DAPK1: variants seen among roughly 807,000 people sequenced by gnomAD.
DAPK1 encodes the protein death associated protein kinase 1.
In DAPK1, 56 loss-of-function variants were observed where a neutral mutation model predicts 144.9. The ratio of observed to expected loss-of-function variants is 0.39; its 90% CI spans 0.31 to 0.48. The LOEUF is 0.48. Ranked by LOEUF, DAPK1 falls within the 20% of genes least tolerant of loss-of-function variation. The pLI, the probability that DAPK1 is intolerant of heterozygous loss-of-function variation, is 0.95. For synonymous variants in DAPK1, 690 were observed against 749.0 expected (o/e 0.92, Z 1.29); for missense variants, 1,454 against 1,875.4 (o/e 0.78, Z 4.15).
intron 21 of DAPK1, among the ~76,000 whole-genome samples, chr9:87,696,614 C>T (rs371811613): frequency 4.6e-5 from 7 of 152,236 alleles, no homozygotes; most frequent in Admixed American, 6.5e-5. Flanking sequence ...AGTGGACACA[C>T]GGGAAGGGAC....
At chr9:87,507,599 C>CA (rs771898425) in intron 2 of DAPK1, among the ~76,000 whole-genome samples, 52 of 152,160 alleles carry the variant, frequency 3.4e-4, no homozygotes, top group Middle Eastern at 3.4e-3. Flanking sequence ...TTAGAGATGC[C>CA]AGAGTGGTGG....
At chr9:87,510,910 G>C (rs1824814728) in intron 2 of DAPK1, among the ~76,000 whole-genome samples, 1 of 152,234 alleles carries the variant, frequency 6.6e-6, no homozygotes, top group Non-Finnish European at 1.5e-5. Context: ...TATGTATAAA[G>C]TGCTTGGCAC....
At chr9:87,642,119 G>A (rs1830119924) in intron 10 of DAPK1, 61 bp downstream of exon 10, 6 of 1,387,612 alleles carry the variant, frequency 4.3e-6, no homozygotes, top group South Asian at 2.4e-5. Context: ...GTAGTGTGTG[G>A]TCAGGGTGCA....
chr9:87,659,658 C>T (rs550121296), intron 18 of DAPK1, among the ~76,000 whole-genome samples: 8 of 152,128 alleles, frequency 5.3e-5, no homozygotes, highest in Admixed American at 2.0e-4. Flanking sequence ...CAGTGGTCCC[C>T]GCCTGGCTCC....
intron 2 of DAPK1, among the ~76,000 whole-genome samples, chr9:87,527,495 C>G (rs1410158392): frequency 6.6e-6 from 1 of 152,214 alleles, no homozygotes. Flanking sequence ...CAGGGCTGGC[C>G]AAGCTGGCTC....
rs762281933 is a variant in DAPK1, at chr9:87,681,389, C to A, written c.2002-15C>A. 5.1e-5 allele frequency: 74 copies of A among 1,449,042 alleles called. 1 individual carries two copies. In the Admixed American group the frequency reaches 1.2e-3, roughly 24 times the overall value. The allele number at this position is 1,449,042 out of a possible 1,614,324, so 89.8% of individuals were successfully genotyped here. On this transcript the variant is annotated splice_polypyrimidine_tract_variant and intron_variant, in intron 19 of 25. Coordinates refer to ENST00000408954, the MANE Select transcript of DAPK1 (RefSeq NM_004938.4). Reference sequence around the variant, plus strand: ...TTTTTCTGTCACTCACTGGCTCTTTCTCATCCATGCTCAGGATACGCACCG... The same window carrying A: ...TTTTTCTGTCACTCACTGGCTCTTTATCATCCATGCTCAGGATACGCACCG...
intron 3 of DAPK1, among the ~76,000 whole-genome samples, chr9:87,635,049 G>T (rs1373642141): frequency 2.0e-5 from 3 of 152,154 alleles, no homozygotes; most frequent in South Asian, 2.1e-4. Context: ...GCTCAGCAAG[G>T]TTGGAGGCCC....
intron 2 of DAPK1, among the ~76,000 whole-genome samples, chr9:87,514,916 G>GTTTCTCTGT (rs1203710903): frequency 1.3e-5 from 2 of 152,178 alleles, no homozygotes; most frequent in South Asian, 2.1e-4. Flanking sequence ...GGAGTTGCTG[G>GTTTCTCTGT]TTTCTCTGTT....
chr9:87,618,133 C>T (rs1437072613), intron 3 of DAPK1, among the ~76,000 whole-genome samples: 1 of 152,220 alleles, frequency 6.6e-6, no homozygotes, highest in South Asian at 2.1e-4. Context: ...CATTACAAAA[C>T]AGCTGCTTCT....
chr9:87,680,193 C>T (rs1824553563), intron 19 of DAPK1, among the ~76,000 whole-genome samples: 1 of 152,224 alleles, frequency 6.6e-6, no homozygotes, highest in South Asian at 2.1e-4. Context: ...CAAGCTCCAC[C>T]TCCGAGGTTC....
At chr9:87,541,549 GA>G (rs34942132) in intron 2 of DAPK1, among the ~76,000 whole-genome samples, 19,584 of 133,264 alleles carry the variant, frequency 0.15, 1,347 homozygotes, top group Admixed American at 0.18. Flanking sequence ...ACTCTGTCTG[GA>G]AAAAAAAAAA....
chr9:87,643,378 A>G lies in DAPK1; in HGVS notation c.921A>G (p.Gln307=), dbSNP rs375291251. 9.7e-6 allele frequency: 15 copies of G among 1,545,532 alleles called. No individual in the cohort carries two copies. The highest frequency in any genetic ancestry group is 6.2e-5 in the Admixed American group (3 of 48,518). Residue 307 remains glutamine, a splice_region_variant and synonymous_variant, in exon 11 of 26, where the codon CAA becomes CAG. Coordinates refer to ENST00000408954, the MANE Select transcript of DAPK1 (RefSeq NM_004938.4). Reference sequence around the variant, plus strand: ...TTTTTTTTTTTTTTAAAAAAAAGCAATCCGTTCGCTTGATATCACTGTGCC... The same window carrying G: ...TTTTTTTTTTTTTTAAAAAAAAGCAGTCCGTTCGCTTGATATCACTGTGCC... ...KKFAARKKWK[Q]SVRLISLCQR...
intron 3 of DAPK1, among the ~76,000 whole-genome samples, chr9:87,630,305 G>C (rs918873444): frequency 6.6e-6 from 1 of 152,176 alleles, no homozygotes; most frequent in Non-Finnish European, 1.5e-5. Flanking sequence ...ATTATTACTT[G>C]TGATTAAATA....
intron 2 of DAPK1, among the ~76,000 whole-genome samples, chr9:87,499,881 A>G (rs1234221616): frequency 1.3e-5 from 2 of 152,216 alleles, no homozygotes; most frequent in South Asian, 2.1e-4. Flanking sequence ...TTGACTGTGT[A>G]TTAGACAGAG....
At chr9:87,637,828 G>A (rs1350482586) in intron 3 of DAPK1, 115 bp from the exon 4 acceptor site, 1 of 1,173,422 alleles carries the variant, frequency 8.5e-7, no homozygotes, top group Non-Finnish European at 1.2e-6. Flanking sequence ...GGCGGTTTCA[G>A]CATAGTCTTT....
intron 2 of DAPK1, among the ~76,000 whole-genome samples, chr9:87,600,198 T>G (rs1828467056): frequency 6.6e-6 from 1 of 152,174 alleles, no homozygotes; most frequent in Admixed American, 6.5e-5. Context: ...TGCAGCAGCC[T>G]CTCCAATTTT....
chr9:87,623,488 C>T (rs1002808959), intron 3 of DAPK1, among the ~76,000 whole-genome samples: 5 of 152,092 alleles, frequency 3.3e-5, no homozygotes, highest in South Asian at 2.1e-4. Flanking sequence ...CCCTCATGCA[C>T]GAGGCATACA....
chr9:87,707,160 G>A lies in DAPK1; in HGVS notation c.4089G>A (p.Arg1363=). 1 of 1,613,752 alleles carries A rather than the reference G, an allele frequency of 6.2e-7. No individual in the cohort carries two copies. The highest frequency in any genetic ancestry group is 2.2e-5 in the East Asian group (1 of 44,858). ...FLPSPLHALL[R]EWTTYPESTV... ...CCAGCCCCCTCCACGCCCTGCTGCG[G>A]GAATGGACCACCTACCCTGAGAGCA... is the stretch of plus-strand genomic sequence containing the variant. The change falls in exon 26 of 26, where the codon CGG becomes CGA. Residue 1363 remains arginine (R), a synonymous_variant. Coordinates refer to ENST00000408954, the MANE Select transcript of DAPK1 (RefSeq NM_004938.4). This position sits in a 1 kb window ranked among gnomAD's most constrained non-coding sequence, Gnocchi z 4.0.
chr9:87,573,786 C>G (rs1827450803), intron 2 of DAPK1, among the ~76,000 whole-genome samples: 1 of 152,124 alleles, frequency 6.6e-6, no homozygotes. Flanking sequence ...ATTTCATGCC[C>G]CTTATCTCTA....
Sources: allele counts gnomAD v4.1 joint callset (sites outside exome capture counted in the v4.1 genomes callset), GRCh38; gene constraint gnomAD v4.1.1; non-coding constraint Gnocchi (gnomAD v3.1); transcripts MANE v1.5; gene names NCBI Gene and HGNC (gene_info 2026-07-23, HGNC 2026-07-21).